Variants in INPP5A observed in about 807,000 individuals in gnomAD.
INPP5A encodes inositol polyphosphate-5-phosphatase A.
Under a neutral mutation model 65.2 loss-of-function variants are expected in INPP5A, and 14 were observed. The observed-to-expected ratio is 0.21, with a 90% confidence interval of 0.14 to 0.34. INPP5A has a LOEUF of 0.34. INPP5A is among the 10% of genes least tolerant of loss of function. INPP5A has a pLI of 1.00. For missense variants in INPP5A, 431 were observed against 545.6 expected (o/e 0.79, Z 2.09); for synonymous variants, 207 against 208.3 (o/e 0.99, Z 0.05).
intron 1 of INPP5A, among the ~76,000 whole-genome samples, chr10:132,592,025 C>T (rs1226732790): frequency 6.6e-6 from 1 of 152,098 alleles, no homozygotes; most frequent in Non-Finnish European, 1.5e-5. Flanking sequence ...AGCGTTGTTG[C>T]TATTAAACAA....
chr10:132,617,443 C>G (rs185301821), intron 2 of INPP5A, among the ~76,000 whole-genome samples: 1 of 152,218 alleles, frequency 6.6e-6, no homozygotes, highest in Non-Finnish European at 1.5e-5. Context: ...CACACACGCT[C>G]ACTGCCTGGG....
chr10:132,623,219 G>T (rs2072130831), intron 2 of INPP5A, among the ~76,000 whole-genome samples: 2 of 152,186 alleles, frequency 1.3e-5, no homozygotes, highest in African/African-American at 4.8e-5. Flanking sequence ...ACTAATGTTT[G>T]GGGGCTTATA....
chr10:132,685,300 G>A lies in INPP5A; in HGVS notation c.307-5092G>A, dbSNP rs536338084. The stretch of plus-strand genomic sequence containing the variant: ...GGCTCCACAGAGATCCCCCTGGGGC[G>A]CACTGGGAGCTGGCACCTGTGGTCA... On this transcript the variant is annotated intron_variant, in intron 4 of 15. Transcript: ENST00000368594. 1.1e-3 allele frequency among the ~76,000 whole-genome samples: 171 copies of A among 152,348 alleles called. 2 individuals carry two copies. Among genetic ancestry groups the A allele is most frequent in the African/African-American group, 4.0e-3 (166 of 41,588 alleles).
chr10:132,642,799 GC>G (rs2072442717), intron 2 of INPP5A, among the ~76,000 whole-genome samples: 1 of 152,242 alleles, frequency 6.6e-6, no homozygotes, highest in African/African-American at 2.4e-5. Flanking sequence ...TGGAGGGGCG[GC>G]CGCACGTGGG....
chr10:132,657,254 A>AC (rs1188873251), intron 4 of INPP5A, among the ~76,000 whole-genome samples: 2 of 152,044 alleles, frequency 1.3e-5, no homozygotes, highest in African/African-American at 4.8e-5. Flanking sequence ...CCCCTCTCCC[A>AC]CCCGCTAGCG....
At chr10:132,766,128 C>T (rs1380320492) in intron 12 of INPP5A, among the ~76,000 whole-genome samples, 1 of 150,308 alleles carries the variant, frequency 6.7e-6, no homozygotes, top group African/African-American at 2.5e-5. Context: ...ACCTGTGCAT[C>T]TGTGTGTGCA....
intron 1 of INPP5A, among the ~76,000 whole-genome samples, chr10:132,548,230 G>A (rs1373195178): frequency 3.9e-5 from 6 of 152,162 alleles, no homozygotes; most frequent in Non-Finnish European, 4.4e-5. Flanking sequence ...GTGGGGTGGG[G>A]CCAATGCAGC....
At chr10:132,748,670 C>T (rs1280917317) in intron 9 of INPP5A, among the ~76,000 whole-genome samples, 5 of 152,218 alleles carry the variant, frequency 3.3e-5, no homozygotes, top group Non-Finnish European at 7.3e-5. Flanking sequence ...GCCGGCTGTC[C>T]GCCAGCCAGG....
In INPP5A at chr10:132,706,683, G is replaced by A. The variant is rs1046716987; in HGVS notation, c.475-1630G>A. On this transcript the variant is annotated intron_variant, in intron 6 of 15. Coordinates refer to ENST00000368594, the MANE Select transcript of INPP5A (RefSeq NM_005539.5). The surrounding 1 kb of genome is among the most constrained non-coding windows in gnomAD (Gnocchi z 4.7). ...CTTAGGGAGGGGGCAGGGAGCACTT[G>A]TGGTGGGGGCAGGCAAAGAAGGGCC... 1.3e-5 allele frequency among the ~76,000 whole-genome samples: 2 copies of A among 152,184 alleles called. No individual in the cohort carries two copies. The highest frequency in any genetic ancestry group is 2.4e-5 in the African/African-American group (1 of 41,444).
At chr10:132,649,757 G>A (rs745399148) in intron 3 of INPP5A, among the ~76,000 whole-genome samples, 11 of 152,184 alleles carry the variant, frequency 7.2e-5, no homozygotes, top group African/African-American at 2.4e-4. Context: ...CTCGTCCTCC[G>A]TTCATGGGCT....
chr10:132,658,648 G>A (rs2072693048), intron 4 of INPP5A, among the ~76,000 whole-genome samples: 1 of 152,184 alleles, frequency 6.6e-6, no homozygotes, highest in Non-Finnish European at 1.5e-5. Context: ...GCCCCCCGGG[G>A]GTGCTCATGG....
chr10:132,736,578 G>A (rs1367706863), intron 9 of INPP5A, among the ~76,000 whole-genome samples: 1 of 152,212 alleles, frequency 6.6e-6, no homozygotes, highest in Non-Finnish European at 1.5e-5. Context: ...CACCAGGGAG[G>A]ATACCACCAC....
At chr10:132,642,315 T>C (rs922891876) in intron 2 of INPP5A, among the ~76,000 whole-genome samples, 2 of 152,200 alleles carry the variant, frequency 1.3e-5, no homozygotes, top group African/African-American at 4.8e-5. Context: ...GGGGACGACA[T>C]CTGAGAAGCC....
At chr10:132,583,987 G>A (rs931788329) in intron 1 of INPP5A, among the ~76,000 whole-genome samples, 1 of 152,210 alleles carries the variant, frequency 6.6e-6, no homozygotes, top group Non-Finnish European at 1.5e-5. Flanking sequence ...AGAGGCTGAG[G>A]TAGGAGGATT....
chr10:132,700,355 C>T (rs1033700418), intron 6 of INPP5A, among the ~76,000 whole-genome samples: 6 of 152,174 alleles, frequency 3.9e-5, no homozygotes, highest in Non-Finnish European at 8.8e-5. Context: ...TGCCCTGGGC[C>T]GAGGCCTCCC....
At chr10:132,665,038 C>G (rs966836950) in intron 4 of INPP5A, among the ~76,000 whole-genome samples, 28 of 152,200 alleles carry the variant, frequency 1.8e-4, no homozygotes, top group African/African-American at 6.5e-4. Flanking sequence ...GGCCTGGCAG[C>G]GCCCCGCCTG....
chr10:132,573,881 T>C (rs1169612485), intron 1 of INPP5A, among the ~76,000 whole-genome samples: 55 of 122,018 alleles, frequency 4.5e-4, no homozygotes, highest in East Asian at 1.2e-3. Context: ...TTGGGGTGTG[T>C]GTGCCGTGTG....
intron 4 of INPP5A, among the ~76,000 whole-genome samples, chr10:132,656,785 G>A (rs773606240): frequency 2.6e-5 from 4 of 152,210 alleles, no homozygotes; most frequent in Non-Finnish European, 4.4e-5. Context: ...CCAGGGCGGT[G>A]CAGACCCTTC....
intron 2 of INPP5A, among the ~76,000 whole-genome samples, chr10:132,643,985 C>G (rs911000958): frequency 6.6e-6 from 1 of 152,140 alleles, no homozygotes; most frequent in Non-Finnish European, 1.5e-5. Context: ...CCCCCACCCT[C>G]GGACACCACA....
Sources: allele counts gnomAD v4.1 joint callset (sites outside exome capture counted in the v4.1 genomes callset), GRCh38; gene constraint gnomAD v4.1.1; non-coding constraint Gnocchi (gnomAD v3.1); transcripts MANE v1.5; gene names NCBI Gene and HGNC (gene_info 2026-07-23, HGNC 2026-07-21).